Variants in NNT observed in about 807,000 individuals in gnomAD.
NNT encodes the protein NAD(P) transhydrogenase, mitochondrial.
A neutral mutation model predicts 104.8 loss-of-function variants in NNT; 50 were observed. That is an observed-to-expected ratio of 0.48 (90% CI 0.38 to 0.60). The LOEUF (loss-of-function observed/expected upper bound fraction) is 0.60, where lower values mean the gene tolerates loss of function less well. NNT is among the 20% of genes least tolerant of loss of function. The probability of loss-of-function intolerance (pLI) is 0.00; values close to 1 mark genes in which losing one functional copy is unlikely to be tolerated. For synonymous variants in NNT, 461 were observed against 490.4 expected, an observed-to-expected ratio of 0.94 and a Z score of 0.79; for missense variants, 1,131 against 1,330.7, an observed-to-expected ratio of 0.85 and a Z score of 2.33.
intron 13 of NNT, 45 bp from the exon 14 acceptor site, chr5:43,652,973 G>A: frequency 6.7e-7 from 1 of 1,500,572 alleles, no homozygotes; most frequent in Non-Finnish European, 9.1e-7. Flanking sequence ...TAAGCTAATA[G>A]ACCAAAGGTT....
chr5:43,699,352 C>CTT (rs1742730585), intron 19 of NNT, among the ~76,000 whole-genome samples: 1 of 81,522 alleles, frequency 1.2e-5, no homozygotes, highest in African/African-American at 6.5e-5. Flanking sequence ...TATCTCCCTA[C>CTT]CTTTTTTTTT....
chr5:43,701,190 G>A (rs1463633368), intron 20 of NNT, among the ~76,000 whole-genome samples: 2 of 152,142 alleles, frequency 1.3e-5, no homozygotes, highest in African/African-American at 2.4e-5. Context: ...GTTGGAGGTA[G>A]TGAGCATAGT....
At chr5:43,700,308 G>A in intron 20 of NNT, 71 bp downstream of exon 20, 1 of 1,087,506 alleles carries the variant, frequency 9.2e-7, no homozygotes, top group Non-Finnish European at 1.4e-6. Context: ...TGTGGGATAT[G>A]AATTGTAGAT....
chr5:43,648,940 G>A (rs554819333), intron 10 of NNT, among the ~76,000 whole-genome samples: 1 of 152,040 alleles, frequency 6.6e-6, no homozygotes, highest in Non-Finnish European at 1.5e-5. Flanking sequence ...CTTATTTTGG[G>A]GGGGTGGTCA....
chr5:43,703,963 T>C (rs1281743777), intron 21 of NNT, among the ~76,000 whole-genome samples: 1 of 152,202 alleles, frequency 6.6e-6, no homozygotes, highest in Non-Finnish European at 1.5e-5. Flanking sequence ...ATGGTCTTTA[T>C]AGAGAAGAAG....
chr5:43,636,776 T>A (rs1182692737), intron 7 of NNT, among the ~76,000 whole-genome samples: 1 of 151,728 alleles, frequency 6.6e-6, no homozygotes, highest in East Asian at 2.0e-4. Flanking sequence ...TGGTAAAATC[T>A]TGACTAATTT....
chr5:43,671,172 C>T (rs536080135), intron 17 of NNT, among the ~76,000 whole-genome samples: 2 of 152,128 alleles, frequency 1.3e-5, no homozygotes, highest in East Asian at 3.9e-4. Context: ...TGAGCCTATG[C>T]GTGTCTCTGC....
intron 12 of NNT, among the ~76,000 whole-genome samples, chr5:43,650,962 G>A (rs1158061289): frequency 6.6e-6 from 1 of 152,186 alleles, no homozygotes; most frequent in Non-Finnish European, 1.5e-5. Flanking sequence ...GAAACTGAAA[G>A]CCTAGCACAT....
At chr5:43,607,524 C>G (rs1226613871) in intron 1 of NNT, among the ~76,000 whole-genome samples, 2 of 152,328 alleles carry the variant, frequency 1.3e-5, no homozygotes, top group East Asian at 3.9e-4. Flanking sequence ...GGACTCAGCC[C>G]ACTTGCACCC....
chr5:43,616,022 G>C lies in NNT; in HGVS notation c.556G>C (p.Ala186Pro). Residue 186 changes from alanine (A) to proline (P), a missense_variant, in exon 4 of 22, where the codon GCT becomes CCT. Ala to Pro is a conservative substitution (Grantham distance 27). Transcript: ENST00000344920. ...GGACCAGGTTCCAAGAGTCACAATT[G>C]CTCAGGGATATGATGCGCTAAGCTC... ...AMDQVPRVTI[A>P]QGYDALSSMA... 2 of 1,614,092 alleles carry C rather than the reference G, an allele frequency of 1.2e-6. No homozygotes were observed. Among genetic ancestry groups the C allele is most frequent in the Non-Finnish European group, 1.7e-6 (2 of 1,180,020 alleles).
In NNT at chr5:43,675,654, C is replaced by A. The variant is rs1451092520; in HGVS notation, c.2778C>A (p.Ser926Arg). The change falls in exon 18 of 22, where the codon AGC (serine) becomes AGA (arginine). Residue 926 changes from serine (S) to arginine (R), a missense_variant. Coordinates refer to ENST00000344920, the MANE Select transcript of NNT (RefSeq NM_182977.3). Reference sequence around the variant, plus strand: ...TTGACATGATTCGAGAAGCTAATAGCATTATTATTACACCAGGTAAAGAAA... The same window carrying A: ...TTGACATGATTCGAGAAGCTAATAGAATTATTATTACACCAGGTAAAGAAA... ...NAIDMIREAN[S>R]IIITPGYGLC... is the part of the protein sequence containing the mutation. The A allele has an allele frequency of 4.4e-6, 7 of 1,603,376 alleles. No homozygotes were observed. Among genetic ancestry groups the A allele is most frequent in the Middle Eastern group, 1.7e-4 (1 of 6,036 alleles).
chr5:43,668,479 A>G (rs376799694), intron 17 of NNT, among the ~76,000 whole-genome samples: 9 of 152,086 alleles, frequency 5.9e-5, no homozygotes, highest in Non-Finnish European at 1.3e-4. Context: ...AAGGGATCCA[A>G]TTTCAGCTTT....
At position 43,681,390 on chromosome 5, in the gene NNT, T is replaced by C. The variant is rs186182441; in HGVS notation, c.2876+3584T>C. On this transcript the variant is annotated intron_variant, in intron 19 of 21. Transcript: ENST00000344920. ...AATTTATTGAACAACTTTCAACTTA[T>C]TTTTTTTAATTATTATTTTGTTTTT... is the stretch of plus-strand genomic sequence containing the variant. Among the ~76,000 whole-genome samples, 81 of 152,092 alleles carry C rather than the reference T, an allele frequency of 5.3e-4. 2 individuals are homozygous for C. The highest frequency in any genetic ancestry group is 1.7e-3 in the African/African-American group (70 of 41,464).
intron 19 of NNT, among the ~76,000 whole-genome samples, chr5:43,680,988 G>C (rs1741678331): frequency 6.6e-6 from 1 of 151,986 alleles, no homozygotes. Flanking sequence ...AATTAGGGAG[G>C]GGTAGAATAT....
chr5:43,645,705 A>ATTTT (rs1463913564), intron 10 of NNT, 195 bp downstream of exon 10: 64 of 96,888 alleles, frequency 6.6e-4, no homozygotes, highest in Non-Finnish European at 1.1e-3. Flanking sequence ...ATATATATAT[A>ATTTT]TATATTTTTT....
At position 43,704,548 on chromosome 5, in the gene NNT, G is replaced by A. The variant is rs907307577; in HGVS notation, c.*144G>A. On this transcript the variant is annotated 3_prime_UTR_variant, in exon 22 of 22. Transcript: ENST00000344920. The stretch of plus-strand genomic sequence containing the variant: ...GACTGAAGAAAGCAAAGCAAAAACT[G>A]TATAGAGAGATTTTTCAAAAGCAGT... 17 of 705,698 alleles carry A rather than the reference G, an allele frequency of 2.4e-5. No individual in the cohort carries two copies. The highest frequency in any genetic ancestry group is 1.9e-4 in the African/African-American group (10 of 53,136). 43.7% of individuals were successfully genotyped at this position (705,698 alleles called of 1,614,324 possible). A position where few individuals can be genotyped will look rare whatever the true frequency, so the allele number is the denominator to read the frequency against.
chr5:43,691,892 G>C (rs1742304072), intron 19 of NNT, among the ~76,000 whole-genome samples: 1 of 152,138 alleles, frequency 6.6e-6, no homozygotes, highest in African/African-American at 2.4e-5. Context: ...AGAACATTGA[G>C]TTAAAATATT....
intron 7 of NNT, among the ~76,000 whole-genome samples, chr5:43,641,856 A>G (rs1378925455): frequency 6.6e-6 from 1 of 152,200 alleles, no homozygotes; most frequent in Non-Finnish European, 1.5e-5. Flanking sequence ...AGATGCAAAC[A>G]TGTCCATGTG....
intron 7 of NNT, among the ~76,000 whole-genome samples, chr5:43,641,837 T>C (rs1561283040): frequency 1.3e-5 from 2 of 152,232 alleles, no homozygotes; most frequent in African/African-American, 2.4e-5. Flanking sequence ...ACCCAACTTA[T>C]CTCTGTTAAG....
Sources: allele counts gnomAD v4.1 joint callset (sites outside exome capture counted in the v4.1 genomes callset), GRCh38; gene constraint gnomAD v4.1.1; transcripts MANE v1.5; gene names NCBI Gene and HGNC (gene_info 2026-07-23, HGNC 2026-07-21).